Variants in AMZ2 observed in about 807,000 individuals in gnomAD.
AMZ2 encodes archaemetzincin-2.
A neutral mutation model predicts 36.7 loss-of-function variants in AMZ2; 26 were observed. The ratio of observed to expected loss-of-function variants is 0.71; its 90% CI spans 0.52 to 0.98. The LOEUF is 0.98. Among genes scored for constraint, AMZ2 ranks in the 50% least tolerant of loss-of-function variants. AMZ2 has a pLI of 0.00. For synonymous variants in AMZ2, 144 were observed against 149.1 expected (o/e 0.97, Z 0.25); for missense variants, 394 against 430.5 (o/e 0.92, Z 0.75).
chr17:68,246,157 T>G (rs2073998858), upstream of AMZ2, among the ~76,000 whole-genome samples: 2 of 135,070 alleles, frequency 1.5e-5, no homozygotes, highest in Non-Finnish European at 3.1e-5. Flanking sequence ...AATACAAAAA[T>G]TGGCTAACAT....
intron 1 of AMZ2, among the ~76,000 whole-genome samples, chr17:68,229,158 C>T (rs1380889019): frequency 6.6e-6 from 1 of 152,226 alleles, no homozygotes; most frequent in Non-Finnish European, 1.5e-5. Context: ...CTGGTTTTTG[C>T]TATTGCCTGG....
chr17:68,229,315 G>A (rs1442966601), intron 1 of AMZ2, among the ~76,000 whole-genome samples: 2 of 152,062 alleles, frequency 1.3e-5, no homozygotes, highest in African/African-American at 2.4e-5. Flanking sequence ...GAGCCCCTCA[G>A]CCCGGGTGCC....
At chr17:68,214,561 G>A (rs2073147241) in intron 1 of AMZ2, among the ~76,000 whole-genome samples, 1 of 152,108 alleles carries the variant, frequency 6.6e-6, no homozygotes, top group Non-Finnish European at 1.5e-5. Flanking sequence ...GCTTGAAGGG[G>A]AGAGAGATGG....
rs1555731243 is a variant in AMZ2 at position 68,231,572 on chromosome 17, T to C, written c.-66-17068T>C. On this transcript the variant is annotated intron_variant, in intron 1 of 7. Transcript: ENST00000674770. Reference sequence around the variant, plus strand: ...GAATTTTTCTGCAAGTCTTCTCCCATTATATGCCCTCATGTGTGTTAGGCA... The same window carrying C: ...GAATTTTTCTGCAAGTCTTCTCCCACTATATGCCCTCATGTGTGTTAGGCA... Among the ~76,000 whole-genome samples the C allele has an allele frequency of 3.4e-5, 2 of 59,540 alleles. 1 individual carries two copies. The highest frequency in any genetic ancestry group is 2.1e-4 in the African/African-American group (2 of 9,660). The allele number at this position is 59,540 out of a possible 152,430, so 39.1% of individuals were successfully genotyped here. A position where few individuals can be genotyped will look rare whatever the true frequency, so the allele number is the denominator to read the frequency against.
chr17:68,211,439 A>C (rs62087072), intron 1 of AMZ2, among the ~76,000 whole-genome samples: 34,852 of 150,704 alleles, frequency 0.23, 4,297 homozygotes, highest in South Asian at 0.29. Context: ...GGAGGTGGAG[A>C]TTGCAGTGAG....
chr17:68,209,869 C>A (rs1234642742), intron 1 of AMZ2, among the ~76,000 whole-genome samples: 1 of 151,776 alleles, frequency 6.6e-6, no homozygotes, highest in Non-Finnish European at 1.5e-5. Context: ...GATCCACCCC[C>A]TTTGGCCCCC....
intron 1 of AMZ2, among the ~76,000 whole-genome samples, chr17:68,231,301 G>A (rs1555731181): frequency 2.6e-5 from 4 of 152,134 alleles, no homozygotes; most frequent in South Asian, 4.1e-4. Context: ...GAATTCCTGG[G>A]CTTACATGAT....
chr17:68,256,854 C>A lies in AMZ2; in HGVS notation c.968C>A (p.Pro323His). The A allele has an allele frequency of 6.2e-7, 1 of 1,613,990 alleles. No individual in the cohort carries two copies. Among genetic ancestry groups the A allele is most frequent in the South Asian group, 1.1e-5 (1 of 91,056 alleles). The change falls in exon 7 of 7, where the codon CCT becomes CAT. Residue 323 changes from proline to histidine, a missense_variant. Transcript: ENST00000359904. Reference protein sequence around the residue: ...RWIDDESSDTPGATPEHSHED... With the variant: ...RWIDDESSDTHGATPEHSHED... The stretch of plus-strand genomic sequence containing the variant: ...ATTGATGATGAATCTTCTGACACAC[C>A]TGGAGCAACTCCAGAACACAGTCAC...
intron 4 of AMZ2, among the ~76,000 whole-genome samples, chr17:68,251,622 G>A (rs2074484081): frequency 1.3e-5 from 2 of 152,004 alleles, no homozygotes; most frequent in South Asian, 2.1e-4. Flanking sequence ...AGCCATGATC[G>A]AGCCACTGCA....
At position 68,255,852 on chromosome 17, in the gene AMZ2, CT is replaced by C; in HGVS notation, c.905del (p.Phe302SerfsTer4). The part of the protein sequence containing the change: ...CLHKLQCAVG[F>X]SIVERYKALV... ...TGCACAAGTTGCAGTGTGCTGTTGG[CT>C]TCAGCATTGTAGAAAGATACAAAGT... On this transcript the variant is annotated frameshift_variant, in exon 6 of 7. Transcript: ENST00000359904. LOFTEE classifies it low-confidence loss of function (END_TRUNC). 1 of 1,613,990 alleles carries C rather than the reference CT, an allele frequency of 6.2e-7. No homozygotes were observed. The highest frequency in any genetic ancestry group is 8.5e-7 in the Non-Finnish European group (1 of 1,179,994).
In AMZ2 at chr17:68,250,478, C is replaced by T; in HGVS notation, c.283+8C>T. The T allele has an allele frequency of 2.5e-6, 4 of 1,612,132 alleles. No individual in the cohort carries two copies. Among genetic ancestry groups the T allele is most frequent in the Middle Eastern group, 3.3e-4 (2 of 6,054 alleles). On this transcript the variant is annotated splice_region_variant and intron_variant, in intron 2 of 6. Coordinates refer to ENST00000359904, the MANE Select transcript of AMZ2 (RefSeq NM_016627.5). ...TTTATATACAGTCCATTGGTAAATACTGGTAATGTGCTGGTTTTGGTTCAG... is the reference window on the plus strand; with the variant it reads ...TTTATATACAGTCCATTGGTAAATATTGGTAATGTGCTGGTTTTGGTTCAG...
intron 1 of AMZ2, among the ~76,000 whole-genome samples, chr17:68,211,679 CATATGT>C (rs1265741666): frequency 9.9e-5 from 13 of 131,818 alleles, no homozygotes; most frequent in East Asian, 6.5e-4. Context: ...ATTGGGAAAA[CATATGT>C]ATATGTATAT....
intron 1 of AMZ2, among the ~76,000 whole-genome samples, chr17:68,223,433 C>G (rs1307616042): frequency 6.6e-6 from 1 of 152,186 alleles, no homozygotes; most frequent in African/African-American, 2.4e-5. Context: ...CTTTAATGGC[C>G]TTTTTGCTCA....
chr17:68,240,890 G>A (rs1244065772), intron 1 of AMZ2, among the ~76,000 whole-genome samples: 1 of 152,112 alleles, frequency 6.6e-6, no homozygotes, highest in Non-Finnish European at 1.5e-5. Flanking sequence ...CAAGTATGAG[G>A]GCAGAATAAA....
chr17:68,213,166 A>G (rs34111643), intron 1 of AMZ2, among the ~76,000 whole-genome samples: 2,722 of 152,294 alleles, frequency 0.018, 36 homozygotes, highest in Non-Finnish European at 0.028. Flanking sequence ...TTACCTGGTG[A>G]AAAAAATGAT....
rs188912985 is a variant in AMZ2, at chr17:68,219,044, C to T, written c.-67+12806C>T. Among the ~76,000 whole-genome samples the T allele has an allele frequency of 3.3e-5, 5 of 149,700 alleles. No homozygotes were observed. The East Asian group carries it at 1.0e-3, about 30-fold the overall frequency. On this transcript the variant is annotated intron_variant, in intron 1 of 7. Transcript: ENST00000674770. ...CTCACCCAGGCTGGAGTGCAGTGGCCCAATCTCGGCTCACTGCAACCCCCA... is the reference window on the plus strand; with the variant it reads ...CTCACCCAGGCTGGAGTGCAGTGGCTCAATCTCGGCTCACTGCAACCCCCA...
chr17:68,214,443 C>G (rs1469230623), intron 1 of AMZ2, among the ~76,000 whole-genome samples: 1 of 152,172 alleles, frequency 6.6e-6, no homozygotes, highest in Non-Finnish European at 1.5e-5. Context: ...TGTATATCGT[C>G]ACTTAAATCC....
chr17:68,250,695 G>C (rs2074388165), intron 2 of AMZ2, 99 bp from the exon 3 acceptor site: 1 of 1,262,668 alleles, frequency 7.9e-7, no homozygotes, highest in Non-Finnish European at 1.1e-6. Context: ...AAAATTTAGA[G>C]TTGGTTTTGT....
chr17:68,251,026 A>G (rs1555739444), intron 3 of AMZ2, 24 bp from the exon 4 acceptor site: 1 of 1,606,836 alleles, frequency 6.2e-7, no homozygotes, highest in Non-Finnish European at 8.5e-7. Context: ...ACACTCATAC[A>G]TTTATGTATT....
Sources: gnomAD v4.1 joint callset for allele counts (sites outside exome capture counted in the v4.1 genomes callset) on GRCh38, gnomAD v4.1.1 for gene constraint, MANE v1.5 for transcripts, NCBI Gene and HGNC (gene_info 2026-07-23, HGNC 2026-07-21) for gene names.